Variants in PARD3 observed in about 807,000 individuals in gnomAD.
PARD3 encodes the protein partitioning defective 3 homolog.
A neutral mutation model predicts 155.4 loss-of-function variants in PARD3; 75 were observed. The ratio of observed to expected loss-of-function variants is 0.48; its 90% CI spans 0.40 to 0.58. The LOEUF is 0.58. Among genes scored for constraint, PARD3 ranks in the 20% least tolerant of loss-of-function variants. The probability of loss-of-function intolerance (pLI) is 0.00; values close to 1 mark genes in which losing one functional copy is unlikely to be tolerated. For missense variants in PARD3, 1,642 were observed against 1,721.7 expected, an observed-to-expected ratio of 0.95 and a Z score of 0.82; for synonymous variants, 576 against 610.5, an observed-to-expected ratio of 0.94 and a Z score of 0.83.
chr10:34,568,431 A>C (rs2086130047), intron 2 of PARD3, among the ~76,000 whole-genome samples: 1 of 152,216 alleles, frequency 6.6e-6, no homozygotes, highest in Non-Finnish European at 1.5e-5. Flanking sequence ...AAGTTTCTAG[A>C]CAACAAGAAA....
rs536031421 is a variant in PARD3, at chr10:34,524,686, T to G, written c.223-7527A>C. Reference sequence around the variant, plus strand: ...CCACTGTTACACTGGTATCCACCCATGAGGTTACAACTACATAACACTACT... The same window carrying G: ...CCACTGTTACACTGGTATCCACCCAGGAGGTTACAACTACATAACACTACT... On this transcript the variant is annotated intron_variant, in intron 2 of 24. Coordinates refer to ENST00000374788, the MANE Select transcript of PARD3 (RefSeq NM_001184785.2). Among the ~76,000 whole-genome samples the G allele has an allele frequency of 3.3e-5, 5 of 152,204 alleles. No homozygotes were observed. The South Asian group carries it at 1.0e-3, about 31-fold the overall frequency.
intron 1 of PARD3, among the ~76,000 whole-genome samples, chr10:34,729,062 A>G (rs1392367920): frequency 1.3e-5 from 2 of 152,214 alleles, no homozygotes; most frequent in Non-Finnish European, 2.9e-5. Flanking sequence ...AGGTTAGACC[A>G]CACAGCCGAG....
chr10:34,474,981 CATTAA>C (rs2078615411), intron 3 of PARD3, among the ~76,000 whole-genome samples: 1 of 152,074 alleles, frequency 6.6e-6, no homozygotes, highest in Non-Finnish European at 1.5e-5. Flanking sequence ...AAAAATCTAT[CATTAA>C]ATGGAGGAAG....
In PARD3 at chr10:34,477,966, T is replaced by C. The variant is rs12257931; in HGVS notation, c.404-7703A>G. ...ATCACATGCTGTGGGGATACAAACC[T>C]GTCATCACGATTGCAAAACCAACCT... On this transcript the variant is annotated intron_variant, in intron 3 of 24. Transcript: ENST00000374788. Among the ~76,000 whole-genome samples the C allele has an allele frequency of 1.8e-3, 281 of 152,332 alleles. 1 individual carries two copies. The highest frequency in any genetic ancestry group is 6.4e-3 in the African/African-American group (265 of 41,570).
chr10:34,343,584 T>C (rs1458761861), intron 15 of PARD3: 5 of 985,192 alleles, frequency 5.1e-6, no homozygotes, highest in South Asian at 9.4e-5. Context: ...CTTAACATGC[T>C]TGCCAGGAAT....
At chr10:34,666,491 A>G (rs2093474143) in intron 2 of PARD3, among the ~76,000 whole-genome samples, 1 of 152,004 alleles carries the variant, frequency 6.6e-6, no homozygotes. Context: ...GGAATTGCTC[A>G]AGAAAACCCC....
At chr10:34,640,636 G>A (rs549184461) in intron 2 of PARD3, among the ~76,000 whole-genome samples, 1 of 147,756 alleles carries the variant, frequency 6.8e-6, no homozygotes, top group South Asian at 2.2e-4. Flanking sequence ...TTGAAACCGG[G>A]AGGTGGAGGC....
intron 1 of PARD3, among the ~76,000 whole-genome samples, chr10:34,736,019 A>G (rs1388413119): frequency 6.6e-6 from 1 of 151,060 alleles, no homozygotes; most frequent in African/African-American, 2.4e-5. Flanking sequence ...CCACCACACC[A>G]AACTTGTTAC....
At chr10:34,164,549 G>A (rs1163240306) in intron 22 of PARD3, among the ~76,000 whole-genome samples, 1 of 152,174 alleles carries the variant, frequency 6.6e-6, no homozygotes, top group African/African-American at 2.4e-5. Flanking sequence ...ATATGACAAC[G>A]TAAGACAACA....
At chr10:34,342,099 G>A (rs1486915486) in intron 15 of PARD3, among the ~76,000 whole-genome samples, 1 of 152,144 alleles carries the variant, frequency 6.6e-6, no homozygotes, top group Non-Finnish European at 1.5e-5. Context: ...TCTCTCAAAT[G>A]TCTTATAATG....
At chr10:34,378,701 A>C (rs1370614698) in intron 9 of PARD3, among the ~76,000 whole-genome samples, 1 of 152,180 alleles carries the variant, frequency 6.6e-6, no homozygotes, top group Non-Finnish European at 1.5e-5. Flanking sequence ...AAATCTTACC[A>C]TGTATATTTC....
chr10:34,681,558 T>TA (rs1166831964), intron 2 of PARD3, among the ~76,000 whole-genome samples: 4 of 150,706 alleles, frequency 2.7e-5, no homozygotes, highest in Non-Finnish European at 5.9e-5. Context: ...TACAAAACTT[T>TA]ACATACCTTA....
intron 1 of PARD3, among the ~76,000 whole-genome samples, chr10:34,769,452 A>G (rs1232936063): frequency 6.6e-6 from 1 of 152,034 alleles, no homozygotes; most frequent in Non-Finnish European, 1.5e-5. Context: ...TATCCTCTCC[A>G]GGTGAAAATC....
intron 22 of PARD3, among the ~76,000 whole-genome samples, chr10:34,162,730 TA>T (rs1306827984): frequency 1.3e-5 from 2 of 152,188 alleles, no homozygotes; most frequent in Non-Finnish European, 2.9e-5. Context: ...TTTTGTGAAC[TA>T]AATGGAAATG....
chr10:34,642,052 C>A (rs1296945202), intron 2 of PARD3, among the ~76,000 whole-genome samples: 3 of 152,082 alleles, frequency 2.0e-5, no homozygotes. Context: ...GGGCACATCA[C>A]CCCTGCGGGC....
intron 1 of PARD3, 47 bp downstream of exon 1, chr10:34,814,829 C>G (rs1210170643): frequency 1.6e-6 from 2 of 1,229,356 alleles, no homozygotes; most frequent in Admixed American, 4.4e-5. Context: ...GATCCCGGCG[C>G]CGTCCCCGCC....
At chr10:34,186,630 G>A (rs1031237416) in intron 22 of PARD3, among the ~76,000 whole-genome samples, 8 of 152,126 alleles carry the variant, frequency 5.3e-5, no homozygotes, top group African/African-American at 1.9e-4. Flanking sequence ...GAAGAATGAG[G>A]GGAGCAGTTG....
intron 2 of PARD3, among the ~76,000 whole-genome samples, chr10:34,530,616 CA>C (rs1454667374): frequency 6.6e-6 from 1 of 152,176 alleles, no homozygotes; most frequent in Non-Finnish European, 1.5e-5. Flanking sequence ...GCTTTGTTGT[CA>C]ATTTTGTGAA....
At chr10:34,406,831 A>T (rs1446479969) in intron 5 of PARD3, among the ~76,000 whole-genome samples, 1 of 152,230 alleles carries the variant, frequency 6.6e-6, no homozygotes, top group African/African-American at 2.4e-5. Context: ...GGAGAAAAAA[A>T]ATCTGTAGAA....
Sources: allele counts gnomAD v4.1 joint callset (sites outside exome capture counted in the v4.1 genomes callset), GRCh38; gene constraint gnomAD v4.1.1; transcripts MANE v1.5; gene names NCBI Gene and HGNC (gene_info 2026-07-23, HGNC 2026-07-21).